Variants in PCDHA3 observed in about 807,000 individuals in gnomAD.
PCDHA3 encodes the protein protocadherin alpha-3.
In PCDHA3, 41 loss-of-function variants were observed where a neutral mutation model predicts 62.2. The observed-to-expected ratio is 0.66, with a 90% CI of 0.51 to 0.86. The LOEUF (loss-of-function observed/expected upper bound fraction) is 0.86, where lower values mean the gene tolerates loss of function less well. Among genes scored for constraint, PCDHA3 ranks in the 40% least tolerant of loss-of-function variants. The probability of loss-of-function intolerance (pLI) is 0.00; values close to 1 mark genes in which losing one functional copy is unlikely to be tolerated. For missense variants in PCDHA3, 1,304 were observed against 1,241.2 expected (o/e 1.05, Z -0.76); for synonymous variants, 640 against 555.4 (o/e 1.15, Z -2.14).
At chr5:140,970,567 T>G (rs558796957) in intron 1 of PCDHA3, among the ~76,000 whole-genome samples, 7 of 152,284 alleles carry the variant, frequency 4.6e-5, no homozygotes, top group African/African-American at 1.7e-4. Context: ...TCCATATGTA[T>G]GCTTGAAATA....
intron 1 of PCDHA3, chr5:140,927,907 G>A (rs1179807732): frequency 4.9e-5 from 79 of 1,614,038 alleles, no homozygotes; most frequent in Non-Finnish European, 6.6e-5. Flanking sequence ...TCATGCCCCC[G>A]AACTGGACTT....
intron 1 of PCDHA3, chr5:140,969,617 A>G (rs2096348108): frequency 4.3e-6 from 3 of 705,552 alleles, no homozygotes; most frequent in Non-Finnish European, 6.8e-6. Context: ...ACAGATTTGT[A>G]GAGAAACAGG....
At position 140,843,480 on chromosome 5, in the gene PCDHA3, C is replaced by A. The variant is rs2150360983; in HGVS notation, c.2394+39889C>A. 13 of 1,596,024 alleles carry A rather than the reference C, an allele frequency of 8.1e-6. 2 individuals carry two copies. The highest frequency in any genetic ancestry group is 1.1e-5 in the South Asian group (1 of 90,492). On this transcript the variant is annotated intron_variant, in intron 1 of 3. Coordinates refer to ENST00000522353, the MANE Select transcript of PCDHA3 (RefSeq NM_018906.3). Reference sequence around the variant, plus strand: ...GTGCTCACGCTGCTGCTGTACACTGCGCTGCGGTGCTCAGCACTGCCCACT... The same window carrying A: ...GTGCTCACGCTGCTGCTGTACACTGAGCTGCGGTGCTCAGCACTGCCCACT...
At chr5:140,841,430 G>C in intron 1 of PCDHA3, 5 of 1,612,964 alleles carry the variant, frequency 3.1e-6, no homozygotes, top group Non-Finnish European at 4.2e-6. Flanking sequence ...CTCCGTCCCC[G>C]AGGAGGCCAA....
chr5:140,853,885 T>C (rs1456390498), intron 1 of PCDHA3: 1 of 979,240 alleles, frequency 1.0e-6, no homozygotes, highest in Non-Finnish European at 1.2e-6. Context: ...TTCTGTAATT[T>C]AAAAAGATGT....
At chr5:140,906,807 A>G (rs2072952420) in intron 1 of PCDHA3, among the ~76,000 whole-genome samples, 1 of 152,004 alleles carries the variant, frequency 6.6e-6, no homozygotes, top group African/African-American at 2.4e-5. Flanking sequence ...ACTCTTCCTT[A>G]CCTCCACTGT....
chr5:140,856,981 C>T lies in PCDHA3; in HGVS notation c.2394+53390C>T, dbSNP rs1554149362. 1.2e-5 allele frequency: 19 copies of T among 1,594,810 alleles called. 1 individual carries two copies. Among genetic ancestry groups the T allele is most frequent in the Non-Finnish European group, 1.5e-5 (18 of 1,164,604 alleles). Reference sequence around the variant, plus strand: ...TAAATGATGCTATTGACTTTGAGGACAGTAACACTTATGAAATTCATGTAG... The same window carrying T: ...TAAATGATGCTATTGACTTTGAGGATAGTAACACTTATGAAATTCATGTAG... On this transcript the variant is annotated intron_variant, in intron 1 of 3. Transcript: ENST00000522353.
rs1554121955 is a variant in PCDHA3, at chr5:140,802,218, G to A, written c.1021G>A (p.Val341Met). The A allele has an allele frequency of 6.2e-7, 1 of 1,614,234 alleles. No individual in the cohort carries two copies. Among genetic ancestry groups the A allele is most frequent in the East Asian group, 2.2e-5 (1 of 44,880 alleles). ...SDHCTVLLEI[V>M]DINDNVPELV... The stretch of plus-strand genomic sequence containing the variant: ...TCACTGCACAGTTCTACTCGAAATT[G>A]TGGACATCAATGATAATGTACCTGA... Residue 341 changes from valine to methionine, a missense_variant, in exon 1 of 4, where the codon GTG becomes ATG. Physicochemically the swap from Val to Met is conservative, Grantham distance 21. Coordinates refer to ENST00000522353, the MANE Select transcript of PCDHA3 (RefSeq NM_018906.3).
chr5:140,822,930 C>T, intron 1 of PCDHA3: 10 of 1,614,266 alleles, frequency 6.2e-6, no homozygotes, highest in Non-Finnish European at 7.6e-6. Flanking sequence ...GGCAGGTGAC[C>T]TGCTCCCTAA....
At chr5:140,979,035 G>A in intron 2 of PCDHA3, 28 bp downstream of exon 2, 1 of 1,612,986 alleles carries the variant, frequency 6.2e-7, no homozygotes, top group Non-Finnish European at 8.5e-7. Flanking sequence ...CATTCACTCA[G>A]AAGTAACCTT....
chr5:140,823,646 G>A lies in PCDHA3; in HGVS notation c.2394+20055G>A, dbSNP rs149534551. 1.2e-4 allele frequency: 201 copies of A among 1,613,806 alleles called. No individual in the cohort carries two copies. In the African/African-American group the frequency reaches 2.2e-3, roughly 18 times the overall value. On this transcript the variant is annotated intron_variant, in intron 1 of 3. Coordinates refer to ENST00000522353, the MANE Select transcript of PCDHA3 (RefSeq NM_018906.3). ...AGTGCGCGCATCCCGTTCCGCGTGG[G>A]GCTGTACACAGGCGAGATCAGCACA...
chr5:140,983,711 G>C (rs2097062291), intron 3 of PCDHA3, among the ~76,000 whole-genome samples: 1 of 152,202 alleles, frequency 6.6e-6, no homozygotes, highest in Non-Finnish European at 1.5e-5. Context: ...AGTATATCTA[G>C]CACTTATATT....
At position 140,822,311 on chromosome 5, in the gene PCDHA3, T is replaced by C. The variant is rs2150115433; in HGVS notation, c.2394+18720T>C. The stretch of plus-strand genomic sequence containing the variant: ...TTAAATCCAAACGAATATTTTGACT[T>C]AGATGTTAAAACAAATGAAGAAGAA... On this transcript the variant is annotated intron_variant, in intron 1 of 3. Transcript: ENST00000522353. The C allele has an allele frequency of 1.5e-5, 24 of 1,614,190 alleles. 1 individual carries two copies. The South Asian group carries it at 2.6e-4, about 18-fold the overall frequency.
At chr5:140,923,373 T>A (rs1354356076) in intron 1 of PCDHA3, among the ~76,000 whole-genome samples, 4 of 152,048 alleles carry the variant, frequency 2.6e-5, no homozygotes, top group South Asian at 2.1e-4. Flanking sequence ...AAAATATTTT[T>A]AAAAATTAGT....
chr5:140,824,042 G>C (rs2150067229), intron 1 of PCDHA3: 1 of 1,614,148 alleles, frequency 6.2e-7, no homozygotes, highest in Non-Finnish European at 8.5e-7. Flanking sequence ...AGGAGACAGA[G>C]GGTGTGCTCT....
At chr5:140,968,401 C>T (rs1554230667) in intron 1 of PCDHA3, 1 of 1,613,984 alleles carries the variant, frequency 6.2e-7, no homozygotes, top group South Asian at 1.1e-5. Context: ...TTCGGGAGTT[C>T]TTTGTGACTG....
rs369408845 is a variant in PCDHA3, at chr5:140,898,113, C to T, written c.2395-80836C>T. On this transcript the variant is annotated intron_variant, in intron 1 of 3. Coordinates refer to ENST00000522353, the MANE Select transcript of PCDHA3 (RefSeq NM_018906.3). ...AGCCCTTTGTCAGATGAGTAGGTTG[C>T]GAAAATTTTCTCCCATTTTGTAGGT... Among the ~76,000 whole-genome samples, 401 of 152,070 alleles carry T rather than the reference C, an allele frequency of 2.6e-3. 3 individuals carry two copies. Among genetic ancestry groups the T allele is most frequent in the Admixed American group, 0.01 (153 of 15,274 alleles).
chr5:140,929,549 T>G, intron 1 of PCDHA3: 1 of 500,966 alleles, frequency 2.0e-6, no homozygotes, highest in Non-Finnish European at 3.3e-6. Context: ...GGGCAAAAAT[T>G]AAAACCTATT....
chr5:140,853,921 C>T (rs2042909522), intron 1 of PCDHA3: 2 of 921,152 alleles, frequency 2.2e-6, no homozygotes, highest in African/African-American at 1.8e-5. Flanking sequence ...GCAATCCCAA[C>T]ATTTTGGGAG....
Sources: gnomAD v4.1 joint callset for allele counts (sites outside exome capture counted in the v4.1 genomes callset) on GRCh38, gnomAD v4.1.1 for gene constraint, MANE v1.5 for transcripts, NCBI Gene and HGNC (gene_info 2026-07-23, HGNC 2026-07-21) for gene names.